HS3ST4: variants seen among roughly 807,000 people sequenced by gnomAD.
HS3ST4 encodes heparan sulfate glucosamine 3-O-sulfotransferase 4.
HS3ST4 carries 17 observed loss-of-function variants against 29.2 expected under a neutral mutation model. The ratio of observed to expected loss-of-function variants is 0.58; its 90% CI spans 0.40 to 0.87. HS3ST4 has a LOEUF of 0.87. Among genes scored for constraint, HS3ST4 ranks in the 40% least tolerant of loss-of-function variants. The pLI is 0.00. For synonymous variants in HS3ST4, 314 were observed against 285.7 expected (o/e 1.10, Z -1.00); for missense variants, 627 against 634.5 (o/e 0.99, Z 0.13).
At chr16:25,777,495 G>A (rs986686035) in intron 1 of HS3ST4, among the ~76,000 whole-genome samples, 25 of 152,252 alleles carry the variant, frequency 1.6e-4, no homozygotes, top group South Asian at 6.2e-4. Context: ...AAGGCTGGGC[G>A]CGGTGGCTCG....
At chr16:25,796,458 T>C (rs1322395783) in intron 1 of HS3ST4, among the ~76,000 whole-genome samples, 3 of 152,170 alleles carry the variant, frequency 2.0e-5, no homozygotes, top group African/African-American at 7.2e-5. Context: ...AACCGCATGC[T>C]CAGATTTGAT....
intron 1 of HS3ST4, among the ~76,000 whole-genome samples, chr16:25,698,821 A>C (rs1387123794): frequency 1.3e-5 from 2 of 152,196 alleles, no homozygotes; most frequent in East Asian, 3.9e-4. Flanking sequence ...TTTAAACCGA[A>C]GGTCACACAA....
chr16:26,135,130 T>G (rs1421358840), intron 1 of HS3ST4, among the ~76,000 whole-genome samples: 1 of 152,220 alleles, frequency 6.6e-6, no homozygotes, highest in African/African-American at 2.4e-5. Context: ...AGCTTTGAGG[T>G]CTTGTTGAGC....
At chr16:26,125,319 C>T (rs1448629562) in intron 1 of HS3ST4, among the ~76,000 whole-genome samples, 1 of 144,884 alleles carries the variant, frequency 6.9e-6, no homozygotes, top group Non-Finnish European at 1.5e-5. Flanking sequence ...TGAAACTGTT[C>T]CACCTCAGGT....
intron 1 of HS3ST4, among the ~76,000 whole-genome samples, chr16:25,964,823 C>T (rs1968827872): frequency 6.6e-6 from 1 of 152,062 alleles, no homozygotes; most frequent in Non-Finnish European, 1.5e-5. Context: ...ATTTTATAAA[C>T]ATTATTTCAT....
intron 1 of HS3ST4, among the ~76,000 whole-genome samples, chr16:25,696,915 T>C (rs1382124010): frequency 6.6e-6 from 1 of 152,166 alleles, no homozygotes; most frequent in Non-Finnish European, 1.5e-5. Flanking sequence ...GATGATATGC[T>C]GAGATATGTA....
intron 1 of HS3ST4, chr16:26,029,143 CACAGAGTTTTTGTA>C (rs1969508039): frequency 6.6e-6 from 1 of 152,148 alleles, no homozygotes. Flanking sequence ...CATTCTTTAC[CACAGAGTTTTTGTA>C]ACTGGAACTT....
chr16:26,093,495 C>T (rs909945932), intron 1 of HS3ST4, among the ~76,000 whole-genome samples: 25 of 152,148 alleles, frequency 1.6e-4, no homozygotes, highest in Non-Finnish European at 1.9e-4. Flanking sequence ...CTCCAGCAAA[C>T]CCCAACAGAC....
chr16:25,941,186 A>G (rs1231843922), intron 1 of HS3ST4, among the ~76,000 whole-genome samples: 1 of 151,972 alleles, frequency 6.6e-6, no homozygotes, highest in Admixed American at 6.6e-5. Flanking sequence ...TTGTTTTGAG[A>G]CGGAGTTTCG....
chr16:26,136,183 A>C lies in HS3ST4; in HGVS notation c.1306A>C (p.Asn436His). The change falls in exon 2 of 2, where the codon AAC becomes CAC. Residue 436 changes from asparagine (N) to histidine (H), a missense_variant. By Grantham distance (68) the Asn-to-His change is moderately conservative (BLOSUM62 1). Around this residue, in one of 2 missense-constraint regions of HS3ST4, gnomAD observed 225 missense variants for 293.7 expected, o/e 0.77. Transcript: ENST00000331351. ...ACTGAGGAAATTCTACAAACCCTTC[A>C]ACTTGATGTTTTACCAAATGACTGG... ...HRLRKFYKPF[N>H]LMFYQMTGQD... 6.2e-7 allele frequency: 1 copy of C among 1,613,360 alleles called. No individual in the cohort carries two copies. Among genetic ancestry groups the C allele is most frequent in the Non-Finnish European group, 8.5e-7 (1 of 1,179,654 alleles).
intron 1 of HS3ST4, among the ~76,000 whole-genome samples, chr16:25,905,614 A>G (rs1968171196): frequency 6.6e-6 from 1 of 152,202 alleles, no homozygotes; most frequent in South Asian, 2.1e-4. Flanking sequence ...GACAGCACAC[A>G]GACTCAGTAG....
At chr16:25,761,883 G>A (rs8049719) in intron 1 of HS3ST4, among the ~76,000 whole-genome samples, 11,670 of 152,168 alleles carry the variant, frequency 0.077, 478 homozygotes, top group Non-Finnish European at 0.087. Flanking sequence ...TACCTTTCTC[G>A]TTTTACAACA....
chr16:25,739,466 C>T (rs979640123), intron 1 of HS3ST4, among the ~76,000 whole-genome samples: 3 of 152,162 alleles, frequency 2.0e-5, no homozygotes, highest in African/African-American at 7.2e-5. Flanking sequence ...TTTCTATCTG[C>T]CTACTTTTGC....
intron 1 of HS3ST4, among the ~76,000 whole-genome samples, chr16:25,741,956 T>A (rs1966656855): frequency 2.0e-5 from 3 of 152,066 alleles, no homozygotes; most frequent in Non-Finnish European, 4.4e-5. Flanking sequence ...TTTGCTAAGA[T>A]CTATGGTTAA....
intron 1 of HS3ST4, among the ~76,000 whole-genome samples, chr16:25,750,140 T>A (rs1966709666): frequency 6.6e-6 from 1 of 152,188 alleles, no homozygotes; most frequent in African/African-American, 2.4e-5. Flanking sequence ...ATGTTTTGGA[T>A]CTAGGCTGGT....
chr16:25,721,126 C>T (rs1966490151), intron 1 of HS3ST4, among the ~76,000 whole-genome samples: 1 of 152,184 alleles, frequency 6.6e-6, no homozygotes, highest in African/African-American at 2.4e-5. Context: ...GAGTCACAGA[C>T]TAAGAGTTAG....
chr16:25,988,647 T>A (rs1304513486), intron 1 of HS3ST4, among the ~76,000 whole-genome samples: 1 of 151,842 alleles, frequency 6.6e-6, no homozygotes, highest in East Asian at 1.9e-4. Context: ...CACTTATGAG[T>A]GGGAGCTAAA....
intron 1 of HS3ST4, among the ~76,000 whole-genome samples, chr16:25,726,904 T>C (rs1567228044): frequency 1.3e-5 from 2 of 152,216 alleles, no homozygotes; most frequent in Middle Eastern, 3.2e-3. Context: ...AATTTCATGA[T>C]GCTTTGTAGA....
chr16:25,975,594 C>T (rs868867406), intron 1 of HS3ST4, among the ~76,000 whole-genome samples: 7 of 152,136 alleles, frequency 4.6e-5, no homozygotes, highest in African/African-American at 1.2e-4. Context: ...ATCCAGATGA[C>T]GTCTTTCCAT....
Sources: allele counts gnomAD v4.1 joint callset (sites outside exome capture counted in the v4.1 genomes callset), GRCh38; gene constraint gnomAD v4.1.1; regional missense constraint gnomAD v4.1.1; transcripts MANE v1.5; gene names NCBI Gene and HGNC (gene_info 2026-07-23, HGNC 2026-07-21).